TLK1: variants seen among roughly 807,000 people sequenced by gnomAD.
The protein encoded by TLK1 is serine/threonine-protein kinase tousled-like 1.
Under a neutral mutation model 105.3 loss-of-function variants are expected in TLK1, and 24 were observed. The ratio of observed to expected loss-of-function variants is 0.23; its 90% CI spans 0.17 to 0.32. The LOEUF is 0.32. TLK1 is among the 10% of genes least tolerant of loss of function. TLK1 has a pLI of 1.00. For synonymous variants in TLK1, 321 were observed against 310.4 expected (o/e 1.03, Z -0.36); for missense variants, 558 against 910.5 (o/e 0.61, Z 4.98).
chr2:171,230,844 CAG>C (rs1471049058), intron 1 of TLK1, among the ~76,000 whole-genome samples: 1 of 152,080 alleles, frequency 6.6e-6, no homozygotes, highest in African/African-American at 2.4e-5. Context: ...GGTAAATGGC[CAG>C]AGTTAGGCAA....
Position 171,050,049 on chromosome 2 carries a change from C to T in TLK1, c.843+15G>A. The T allele has an allele frequency of 6.2e-7, 1 of 1,603,926 alleles. No homozygotes were observed. ...AATGAAGGGAAAGCGAAAATTTACT[C>T]AACTTTTAGCCTACCTTTTCAATAA... is the stretch of plus-strand genomic sequence containing the variant. On this transcript the variant is annotated intron_variant, in intron 9 of 20. Coordinates refer to ENST00000431350, the MANE Select transcript of TLK1 (RefSeq NM_012290.5).
chr2:171,007,147 G>T, intron 14 of TLK1, 84 bp from the exon 15 acceptor site: 1 of 1,162,656 alleles, frequency 8.6e-7, no homozygotes, highest in Non-Finnish European at 1.2e-6. Context: ...GATAATTTTT[G>T]CAATAATATG....
intron 8 of TLK1, among the ~76,000 whole-genome samples, chr2:171,050,452 T>A (rs1010577554): frequency 6.6e-6 from 1 of 152,134 alleles, no homozygotes; most frequent in Non-Finnish European, 1.5e-5. Context: ...TATAAGAACT[T>A]TAGTTCAGCT....
chr2:171,076,039 GA>G (rs1194660390), intron 3 of TLK1, among the ~76,000 whole-genome samples: 2 of 152,108 alleles, frequency 1.3e-5, no homozygotes, highest in Admixed American at 1.3e-4. Flanking sequence ...CTAACATGGT[GA>G]AACCCTGTCT....
intron 1 of TLK1, among the ~76,000 whole-genome samples, chr2:171,182,658 A>G (rs1351876951): frequency 2.6e-5 from 4 of 152,118 alleles, no homozygotes; most frequent in Non-Finnish European, 4.4e-5. Flanking sequence ...AGTAGCTCAC[A>G]CCAGTAATCC....
intron 1 of TLK1, among the ~76,000 whole-genome samples, chr2:171,187,067 A>G (rs920147360): frequency 1.5e-5 from 2 of 130,782 alleles, no homozygotes; most frequent in African/African-American, 6.1e-5. Flanking sequence ...CAAAAAAAAA[A>G]AAAAAAAAAA....
intron 13 of TLK1, 77 bp from the exon 14 acceptor site, chr2:171,011,531 T>C: frequency 1.7e-6 from 2 of 1,171,244 alleles, no homozygotes; most frequent in Non-Finnish European, 2.4e-6. Flanking sequence ...TTCTACTCTC[T>C]TATTCTATTC....
At chr2:171,069,595 T>C (rs1186466204) in intron 3 of TLK1, among the ~76,000 whole-genome samples, 4 of 152,134 alleles carry the variant, frequency 2.6e-5, no homozygotes, top group South Asian at 2.1e-4. Flanking sequence ...TCAAAATTTA[T>C]CCAGTGCAAA....
intron 2 of TLK1, among the ~76,000 whole-genome samples, chr2:171,105,061 C>T (rs185315298): frequency 6.6e-6 from 1 of 152,132 alleles, no homozygotes; most frequent in Non-Finnish European, 1.5e-5. Context: ...CTAGAAGAAA[C>T]CTTAGAGGAA....
chr2:171,030,730 A>G (rs1284574480), intron 11 of TLK1, among the ~76,000 whole-genome samples: 1 of 152,182 alleles, frequency 6.6e-6, no homozygotes. Flanking sequence ...ACTAATTTTT[A>G]AAAGATATTT....
chr2:171,126,120 A>C (rs1193943037), intron 1 of TLK1, among the ~76,000 whole-genome samples: 2 of 152,218 alleles, frequency 1.3e-5, no homozygotes. Context: ...TTCAAAGCAC[A>C]ACCACCTGTC....
At chr2:171,224,729 C>A (rs925785172) in intron 1 of TLK1, among the ~76,000 whole-genome samples, 1 of 152,008 alleles carries the variant, frequency 6.6e-6, no homozygotes, top group African/African-American at 2.4e-5. Flanking sequence ...TATGGAAATG[C>A]AAGAGACCCA....
At chr2:171,158,654 G>C (rs1692328850) in intron 1 of TLK1, among the ~76,000 whole-genome samples, 1 of 152,080 alleles carries the variant, frequency 6.6e-6, no homozygotes. Flanking sequence ...CAATAAAATG[G>C]TCTTTTTAAA....
intron 18 of TLK1, among the ~76,000 whole-genome samples, chr2:171,005,027 G>GT (rs1684581996): frequency 6.6e-6 from 1 of 152,338 alleles, no homozygotes; most frequent in African/African-American, 2.4e-5. Flanking sequence ...GGCATCGTGT[G>GT]TAAGTGGTTA....
chr2:171,145,654 C>T (rs1385770494), intron 1 of TLK1, among the ~76,000 whole-genome samples: 2 of 150,826 alleles, frequency 1.3e-5, no homozygotes, highest in East Asian at 1.9e-4. Flanking sequence ...GTTCATAATA[C>T]CATTATTAAT....
intron 1 of TLK1, among the ~76,000 whole-genome samples, chr2:171,185,983 T>C (rs1250534368): frequency 6.6e-6 from 1 of 152,236 alleles, no homozygotes; most frequent in Non-Finnish European, 1.5e-5. Flanking sequence ...CATAATTTTA[T>C]GTTCTGTGAA....
chr2:171,049,550 T>C (rs1687133618), intron 10 of TLK1, among the ~76,000 whole-genome samples: 2 of 152,060 alleles, frequency 1.3e-5, no homozygotes, highest in African/African-American at 4.8e-5. Flanking sequence ...CAAAACATCA[T>C]CTGTAAAGCT....
At chr2:171,213,790 A>G (rs1693662980) in intron 1 of TLK1, among the ~76,000 whole-genome samples, 1 of 143,418 alleles carries the variant, frequency 7.0e-6, no homozygotes, top group African/African-American at 2.5e-5. Context: ...TGGCATGATC[A>G]TGGCTCACTG....
chr2:171,184,853 G>GTTTGTTTT (rs144646032), intron 1 of TLK1, among the ~76,000 whole-genome samples: 1 of 145,352 alleles, frequency 6.9e-6, no homozygotes, highest in African/African-American at 2.5e-5. Context: ...TTGTTTGTTT[G>GTTTGTTTT]TTTGAGATGG....
Sources: gnomAD v4.1 joint callset for allele counts (sites outside exome capture counted in the v4.1 genomes callset) on GRCh38, gnomAD v4.1.1 for gene constraint, MANE v1.5 for transcripts, NCBI Gene and HGNC (gene_info 2026-07-23, HGNC 2026-07-21) for gene names.